SLC49A4: variants seen among roughly 807,000 people sequenced by gnomAD.
The protein encoded by SLC49A4 is disrupted in renal cancer protein 2.
In SLC49A4, 36 loss-of-function variants were observed where a neutral mutation model predicts 50.6. That is an observed-to-expected ratio of 0.71 (90% CI 0.55 to 0.94). SLC49A4 has a LOEUF of 0.94. SLC49A4 is among the 40% of genes least tolerant of loss of function. SLC49A4 has a pLI of 0.00. For synonymous variants in SLC49A4, 248 were observed against 241.2 expected, an observed-to-expected ratio of 1.03 and a Z score of -0.26; for missense variants, 503 against 605.7, an observed-to-expected ratio of 0.83 and a Z score of 1.78.
At chr3:122,865,830 A>C (rs1164992514) in intron 7 of SLC49A4, among the ~76,000 whole-genome samples, 1 of 152,146 alleles carries the variant, frequency 6.6e-6, no homozygotes, top group Non-Finnish European at 1.5e-5. Context: ...AAGTGTGTTA[A>C]TGTTATAAGC....
intron 2 of SLC49A4, among the ~76,000 whole-genome samples, chr3:122,820,281 G>C (rs1162745471): frequency 1.3e-5 from 2 of 152,174 alleles, no homozygotes; most frequent in Non-Finnish European, 2.9e-5. Context: ...TCTAGTTCTG[G>C]CTGAGCCATT....
chr3:122,858,460 C>G (rs1012721768), intron 6 of SLC49A4, among the ~76,000 whole-genome samples: 2 of 152,110 alleles, frequency 1.3e-5, no homozygotes, highest in African/African-American at 2.4e-5. Context: ...TTTTGTAAAG[C>G]TGTGGAAACT....
intron 1 of SLC49A4, among the ~76,000 whole-genome samples, chr3:122,800,786 T>C (rs563251816): frequency 6.6e-6 from 1 of 150,900 alleles, no homozygotes; most frequent in Non-Finnish European, 1.5e-5. Context: ...TATCTTTGCT[T>C]TTTTCCCCTC....
At chr3:122,870,008 T>C (rs879573656) in intron 7 of SLC49A4, among the ~76,000 whole-genome samples, 29 of 152,344 alleles carry the variant, frequency 1.9e-4, no homozygotes, top group Non-Finnish European at 2.5e-4. Context: ...CAGTGTGTTA[T>C]TATATTTTCA....
intron 3 of SLC49A4, among the ~76,000 whole-genome samples, chr3:122,832,324 G>T (rs1249139059): frequency 1.3e-5 from 2 of 152,292 alleles, no homozygotes; most frequent in Admixed American, 1.3e-4. Context: ...ACTTCCAAGT[G>T]CCAGAATTAT....
chr3:122,867,094 T>A (rs1217029164), intron 7 of SLC49A4, among the ~76,000 whole-genome samples: 1 of 152,240 alleles, frequency 6.6e-6, no homozygotes, highest in African/African-American at 2.4e-5. Flanking sequence ...AAGAAAGGCT[T>A]AAGCTAAGTT....
At chr3:122,810,777 C>T (rs1026902536) in intron 2 of SLC49A4, among the ~76,000 whole-genome samples, 1 of 152,114 alleles carries the variant, frequency 6.6e-6, no homozygotes, top group African/African-American at 2.4e-5. Context: ...GAAATATACT[C>T]CATTGTGAAA....
rs1937334259 is a variant in SLC49A4, at chr3:122,881,105, G to C, written c.*1727G>C. ...GCTAGACTTAGTTCCAGTTAATTCT[G>C]TTATTCTTCTGAAATAAAAATGAAA... On this transcript the variant is annotated 3_prime_UTR_variant, in exon 9 of 9. Coordinates refer to ENST00000261038, the MANE Select transcript of SLC49A4 (RefSeq NM_032839.3). 1 of 151,240 alleles carries C rather than the reference G, an allele frequency of 6.6e-6. No individual in the cohort carries two copies. 9.4% of individuals were successfully genotyped at this position (151,240 alleles called of 1,614,324 possible).
intron 5 of SLC49A4, among the ~76,000 whole-genome samples, chr3:122,849,824 G>C (rs1461041186): frequency 6.6e-6 from 1 of 151,970 alleles, no homozygotes; most frequent in Non-Finnish European, 1.5e-5. Flanking sequence ...AAGCCATTTA[G>C]CTTTATGTAA....
Position 122,848,059 on chromosome 3 carries a change from G to A in SLC49A4, c.942+2188G>A, listed in dbSNP as rs370105412. Among the ~76,000 whole-genome samples the A allele has an allele frequency of 3.3e-5, 5 of 152,292 alleles. No individual in the cohort carries two copies. In the South Asian group the frequency reaches 6.2e-4, roughly 19 times the overall value. ...GAGACTAGCAGCTACCATGTTGCAC[G>A]GTGTAGATAGAGAGCATTTCTATCA... On this transcript the variant is annotated intron_variant, in intron 5 of 8. Coordinates refer to ENST00000261038, the MANE Select transcript of SLC49A4 (RefSeq NM_032839.3).
Position 122,833,302 on chromosome 3 carries a change from A to G in SLC49A4, c.704-15A>G. The G allele has an allele frequency of 2.5e-6, 4 of 1,608,794 alleles. No homozygotes were observed. The highest frequency in any genetic ancestry group is 1.1e-5 in the South Asian group (1 of 90,848). On this transcript the variant is annotated splice_polypyrimidine_tract_variant and intron_variant, in intron 3 of 8. Coordinates refer to ENST00000261038, the MANE Select transcript of SLC49A4 (RefSeq NM_032839.3). ...GTGTTTCCTGGTTAACATTTTACCT[A>G]TTTTTTTCTTTCAGAATTTGGAGTT...
chr3:122,795,719 A>G (rs1244103100), intron 1 of SLC49A4, among the ~76,000 whole-genome samples, 184 bp downstream of exon 1: 7 of 152,236 alleles, frequency 4.6e-5, no homozygotes, highest in Non-Finnish European at 1.0e-4. Flanking sequence ...AAATATGGAA[A>G]GGCAACCTTG....
intron 5 of SLC49A4, among the ~76,000 whole-genome samples, chr3:122,853,550 G>A (rs946294569): frequency 3.9e-5 from 6 of 152,162 alleles, no homozygotes; most frequent in African/African-American, 1.4e-4. Flanking sequence ...CTTGAGCTCA[G>A]GAATTCGAGA....
intron 8 of SLC49A4, among the ~76,000 whole-genome samples, chr3:122,874,783 C>T (rs992151308): frequency 1.3e-5 from 2 of 152,062 alleles, no homozygotes; most frequent in Non-Finnish European, 2.9e-5. Flanking sequence ...GGAAAAAGGT[C>T]TCATTAAATT....
chr3:122,822,903 C>T (rs1380072868), intron 2 of SLC49A4, among the ~76,000 whole-genome samples: 1 of 152,148 alleles, frequency 6.6e-6, no homozygotes, highest in Admixed American at 6.5e-5. Flanking sequence ...CCTCCAGTAT[C>T]CACCCCCTCT....
chr3:122,807,743 C>T (rs1333910892), intron 2 of SLC49A4, among the ~76,000 whole-genome samples: 1 of 151,808 alleles, frequency 6.6e-6, no homozygotes, highest in Non-Finnish European at 1.5e-5. Flanking sequence ...TACTCAAGTT[C>T]GAGAGATACT....
rs2107568238 is a variant in SLC49A4 at position 122,833,454 on chromosome 3, T to C, written c.833+8T>C. 1.9e-6 allele frequency: 3 copies of C among 1,610,522 alleles called. No homozygotes were observed. Among genetic ancestry groups the C allele is most frequent in the Non-Finnish European group, 2.5e-6 (3 of 1,177,714 alleles). ...CGTTTGTAGATTATTAAGGTAAATATACTGAGAGTCACTGGATGGCTTTGA... is the reference window on the plus strand; with the variant it reads ...CGTTTGTAGATTATTAAGGTAAATACACTGAGAGTCACTGGATGGCTTTGA... On this transcript the variant is annotated splice_region_variant and intron_variant, in intron 4 of 8. Coordinates refer to ENST00000261038, the MANE Select transcript of SLC49A4 (RefSeq NM_032839.3).
chr3:122,817,879 A>G (rs1269917488), intron 2 of SLC49A4, among the ~76,000 whole-genome samples: 2 of 147,878 alleles, frequency 1.4e-5, no homozygotes. Context: ...GCAGGTGTGC[A>G]CCACCTTGCC....
chr3:122,879,479 A>C lies in SLC49A4; in HGVS notation c.*101A>C. 4 of 841,714 alleles carry C rather than the reference A, an allele frequency of 4.8e-6. No individual in the cohort carries two copies. Among genetic ancestry groups the C allele is most frequent in the Non-Finnish European group, 7.5e-6 (4 of 532,814 alleles). 52.1% of individuals were successfully genotyped at this position (841,714 alleles called of 1,614,324 possible). ...ATCTAACAGGAAAAGAGGGAGAAGA[A>C]AGAAACTTCATTCAGAGGTTTTGTT... On this transcript the variant is annotated 3_prime_UTR_variant, in exon 9 of 9. Coordinates refer to ENST00000261038, the MANE Select transcript of SLC49A4 (RefSeq NM_032839.3).
Sources: allele counts gnomAD v4.1 joint callset (sites outside exome capture counted in the v4.1 genomes callset), GRCh38; gene constraint gnomAD v4.1.1; transcripts MANE v1.5; gene names NCBI Gene and HGNC (gene_info 2026-07-23, HGNC 2026-07-21).